Variants in LINGO2 observed in about 807,000 individuals in gnomAD.
LINGO2 encodes the protein leucine rich repeat and Ig domain containing 2.
LINGO2 carries 14 observed loss-of-function variants against 30.6 expected under a neutral mutation model. The observed-to-expected ratio is 0.46, with a 90% CI of 0.30 to 0.72. The LOEUF (loss-of-function observed/expected upper bound fraction) is 0.72, where lower values mean the gene tolerates loss of function less well. Among genes scored for constraint, LINGO2 ranks in the 30% least tolerant of loss-of-function variants. The pLI, the probability that LINGO2 is intolerant of heterozygous loss-of-function variation, is 0.07. For synonymous variants in LINGO2, 317 were observed against 288.5 expected (o/e 1.10, Z -1.00); for missense variants, 729 against 751.7 (o/e 0.97, Z 0.35).
At chr9:28,003,324 C>CATATAGATATATAGAT (rs535033953) in intron 5 of LINGO2, among the ~76,000 whole-genome samples, 1 of 141,908 alleles carries the variant, frequency 7.0e-6, no homozygotes, top group Non-Finnish European at 1.6e-5. Context: ...TTTTGTTAAC[C>CATATAGATATATAGAT]ATATAGATAT....
chr9:28,557,757 A>AC (rs1389646760), intron 1 of LINGO2, among the ~76,000 whole-genome samples: 8,080 of 150,032 alleles, frequency 0.054, 433 homozygotes, highest in African/African-American at 0.13. Context: ...CAAATGTCCA[A>AC]AATGATAGAC....
the LINGO2 span, among the ~76,000 whole-genome samples, chr9:28,769,035 G>C: frequency 1.3e-5 from 2 of 151,956 alleles, no homozygotes; most frequent in Non-Finnish European, 2.9e-5. Context: ...AGTAGTAAAA[G>C]TATAATGTTA....
the LINGO2 span, among the ~76,000 whole-genome samples, chr9:28,861,765 C>T: frequency 6.6e-6 from 1 of 151,384 alleles, no homozygotes; most frequent in Non-Finnish European, 1.5e-5. Flanking sequence ...TTGTCTCTTA[C>T]CAAAAAACAC....
At chr9:28,050,571 T>C (rs1421919936) in intron 4 of LINGO2, among the ~76,000 whole-genome samples, 1 of 150,772 alleles carries the variant, frequency 6.6e-6, no homozygotes, top group Non-Finnish European at 1.5e-5. Flanking sequence ...ATCCCCTCCA[T>C]ACTCCAGAAT....
the LINGO2 span, among the ~76,000 whole-genome samples, chr9:28,690,650 T>C: frequency 6.6e-6 from 1 of 152,106 alleles, no homozygotes; most frequent in Non-Finnish European, 1.5e-5. Flanking sequence ...ACATGATTTG[T>C]CTTTGGAATT....
chr9:28,334,218 A>G (rs956437625), intron 3 of LINGO2, among the ~76,000 whole-genome samples: 1 of 152,184 alleles, frequency 6.6e-6, no homozygotes, highest in African/African-American at 2.4e-5. Flanking sequence ...GAGAGCTTTC[A>G]ATCTTATAAG....
At chr9:28,086,658 A>T (rs1480978597) in intron 4 of LINGO2, among the ~76,000 whole-genome samples, 1 of 147,768 alleles carries the variant, frequency 6.8e-6, no homozygotes, top group East Asian at 2.1e-4. Flanking sequence ...GCAAATTTTT[A>T]AAGAAAAAAA....
At chr9:28,691,377 C>A in the LINGO2 span, among the ~76,000 whole-genome samples, 1 of 152,264 alleles carries the variant, frequency 6.6e-6, no homozygotes, top group African/African-American at 2.4e-5. Flanking sequence ...CAAAACTATT[C>A]ACAGAATGTA....
chr9:28,823,357 T>G, the LINGO2 span, among the ~76,000 whole-genome samples: 1 of 152,196 alleles, frequency 6.6e-6, no homozygotes, highest in East Asian at 1.9e-4. Flanking sequence ...GGTCAATATA[T>G]TAAAAGGTTT....
chr9:28,847,049 T>G, the LINGO2 span, among the ~76,000 whole-genome samples: 21 of 147,858 alleles, frequency 1.4e-4, 2 homozygotes, highest in African/African-American at 5.4e-4. Context: ...GCCACATATA[T>G]TTCAGTAGCC....
At chr9:29,171,375 GAACTTGAGTATTTCCATACCTTA>G in the LINGO2 span, among the ~76,000 whole-genome samples, 1 of 152,058 alleles carries the variant, frequency 6.6e-6, no homozygotes, top group Non-Finnish European at 1.5e-5. Flanking sequence ...TAAAGTCTTA[GAACTTGAGTATTTCCATACCTTA>G]AACTTGTATA....
At chr9:29,044,257 A>C in the LINGO2 span, among the ~76,000 whole-genome samples, 1 of 152,046 alleles carries the variant, frequency 6.6e-6, no homozygotes, top group Non-Finnish European at 1.5e-5. Flanking sequence ...AAATGAATGG[A>C]GCAAATAGAA....
At chr9:29,169,328 G>A in the LINGO2 span, among the ~76,000 whole-genome samples, 1 of 152,082 alleles carries the variant, frequency 6.6e-6, no homozygotes, top group African/African-American at 2.4e-5. Context: ...TAAGAGGCAA[G>A]CCTTTGTGAG....
chr9:28,231,595 G>A (rs976112518), intron 4 of LINGO2, among the ~76,000 whole-genome samples: 4 of 152,108 alleles, frequency 2.6e-5, no homozygotes, highest in African/African-American at 9.7e-5. Flanking sequence ...ATTACACTGA[G>A]TTTTAAGACA....
intron 1 of LINGO2, among the ~76,000 whole-genome samples, chr9:28,593,014 T>G (rs886092613): frequency 6.6e-5 from 10 of 152,036 alleles, no homozygotes; most frequent in Admixed American, 5.9e-4. Context: ...TGGGTGGAAT[T>G]TGGCTCACTT....
chr9:29,199,316 C>A, the LINGO2 span, among the ~76,000 whole-genome samples: 1 of 152,050 alleles, frequency 6.6e-6, no homozygotes, highest in African/African-American at 2.4e-5. Context: ...TCAGTCCTAC[C>A]ATGTGTCCAA....
chr9:28,216,460 T>C (rs1820770780), intron 4 of LINGO2, among the ~76,000 whole-genome samples: 3 of 151,944 alleles, frequency 2.0e-5, no homozygotes, highest in African/African-American at 7.2e-5. Context: ...ATAACTCACT[T>C]ATATATCCAT....
chr9:28,139,125 T>A (rs1358931283), intron 4 of LINGO2, among the ~76,000 whole-genome samples: 2 of 152,218 alleles, frequency 1.3e-5, no homozygotes, highest in East Asian at 3.9e-4. Flanking sequence ...TATCTGCCAG[T>A]GAAGAGAGAG....
At chr9:29,178,996 G>T in the LINGO2 span, among the ~76,000 whole-genome samples, 1 of 151,138 alleles carries the variant, frequency 6.6e-6, no homozygotes, top group South Asian at 2.1e-4. Context: ...TAATTACCCA[G>T]AGGAAGGCTT....
Sources: gnomAD v4.1 joint callset for allele counts (sites outside exome capture counted in the v4.1 genomes callset) on GRCh38, gnomAD v4.1.1 for gene constraint, MANE v1.5 for transcripts, NCBI Gene and HGNC (gene_info 2026-07-23, HGNC 2026-07-21) for gene names.